OSBP2: variants seen among roughly 807,000 people sequenced by gnomAD.
The protein encoded by OSBP2 is oxysterol binding protein 2, also known as oxysterol-binding protein 2.
Under a neutral mutation model 96.0 loss-of-function variants are expected in OSBP2, and 66 were observed. The observed-to-expected ratio is 0.69, with a 90% confidence interval of 0.56 to 0.84. OSBP2 has a LOEUF of 0.84. OSBP2 is among the 40% of genes least tolerant of loss of function. OSBP2 has a pLI of 0.00. For synonymous variants in OSBP2, 525 were observed against 520.9 expected (o/e 1.01, Z -0.11); for missense variants, 1,038 against 1,222.7 (o/e 0.85, Z 2.25).
intron 2 of OSBP2, among the ~76,000 whole-genome samples, chr22:30,845,451 AAATT>A (rs1333015671): frequency 6.6e-6 from 1 of 152,070 alleles, no homozygotes; most frequent in East Asian, 1.9e-4. Context: ...ATAAATAAAT[AAATT>A]GTTATATTGT....
intron 3 of OSBP2, among the ~76,000 whole-genome samples, chr22:30,872,928 G>A (rs761057395): frequency 5.9e-4 from 90 of 152,338 alleles, no homozygotes; most frequent in Non-Finnish European, 1.1e-3. Context: ...CCTGAAGGTC[G>A]TGGGATACAG....
chr22:30,741,442 C>A (rs1267921953), intron 2 of OSBP2, 73 bp downstream of exon 2: 1 of 1,300,202 alleles, frequency 7.7e-7, no homozygotes, highest in Non-Finnish European at 1.1e-6. Flanking sequence ...AATTGCAAGC[C>A]ACTGGTGGGC....
chr22:30,728,017 A>G (rs1356604580), intron 1 of OSBP2, among the ~76,000 whole-genome samples: 1 of 151,874 alleles, frequency 6.6e-6, no homozygotes, highest in East Asian at 1.9e-4. Context: ...AGGCAGGAAA[A>G]TTGCTTGAAC....
intron 1 of OSBP2, among the ~76,000 whole-genome samples, chr22:30,728,061 AC>A (rs1200684380): frequency 6.6e-6 from 1 of 151,046 alleles, no homozygotes; most frequent in African/African-American, 2.4e-5. Context: ...CCGAGATCAC[AC>A]CACTGCACTT....
chr22:30,730,765 T>TCTC (rs1555908759), intron 1 of OSBP2, among the ~76,000 whole-genome samples: 3 of 50,292 alleles, frequency 6.0e-5, no homozygotes, highest in African/African-American at 8.4e-5. Flanking sequence ...TCTCTCTCTC[T>TCTC]CTCTCTCTCT....
Position 30,870,639 on chromosome 22 carries a change from A to G in OSBP2, c.1064A>G (p.Glu355Gly). ...GGGGAGAAGCTGAAGGTGGTGAATG[A>G]GCGGGCCACCCTCTTCCGCATCACA... ...ESGEKLKVVN[E>G]RATLFRITSN... The change falls in exon 3 of 14, where the codon GAG (glutamate) becomes GGG (glycine). Residue 355 changes from glutamate to glycine, a missense_variant. By Grantham distance (98) the Glu-to-Gly change is moderately conservative. Around this residue, in one of 3 missense-constraint regions of OSBP2, gnomAD observed 737 missense variants for 913.3 expected, o/e 0.81. Coordinates refer to ENST00000332585, the MANE Select transcript of OSBP2 (RefSeq NM_030758.4). The surrounding 1 kb of genome is among the most constrained non-coding windows in gnomAD (Gnocchi z 4.1). The G allele has an allele frequency of 6.2e-7, 1 of 1,613,902 alleles. No homozygotes were observed. Among genetic ancestry groups the G allele is most frequent in the Non-Finnish European group, 8.5e-7 (1 of 1,180,004 alleles).
At chr22:30,816,464 G>A (rs886916466) in intron 2 of OSBP2, among the ~76,000 whole-genome samples, 7 of 152,132 alleles carry the variant, frequency 4.6e-5, no homozygotes, top group African/African-American at 1.2e-4. Context: ...TCAGACCCAC[G>A]TGGCGGGACT....
chr22:30,697,609 T>C (rs148334022), intron 1 of OSBP2, among the ~76,000 whole-genome samples: 2 of 152,336 alleles, frequency 1.3e-5, no homozygotes, highest in African/African-American at 4.8e-5. Context: ...GCAGATTCTC[T>C]GGGTAACTAA....
At position 30,741,157 on chromosome 22, in the gene OSBP2, A is replaced by T. The variant is rs755347318; in HGVS notation, c.645-4A>T. 1.2e-6 allele frequency: 2 copies of T among 1,612,744 alleles called. No homozygotes were observed. Among genetic ancestry groups the T allele is most frequent in the East Asian group, 2.2e-5 (1 of 44,870 alleles). On this transcript the variant is annotated splice_polypyrimidine_tract_variant and splice_region_variant and intron_variant, in intron 1 of 13. Coordinates refer to ENST00000332585, the MANE Select transcript of OSBP2 (RefSeq NM_030758.4). The stretch of plus-strand genomic sequence containing the variant: ...CACCCCATTCCTTCTCTTACATCCT[A>T]CAGAAATCAGGGTGAAATGGCCCAC...
intron 2 of OSBP2, among the ~76,000 whole-genome samples, chr22:30,758,386 G>A (rs963223989): frequency 2.0e-5 from 3 of 152,154 alleles, no homozygotes; most frequent in African/African-American, 4.8e-5. Context: ...GGGTGACAGA[G>A]CGAGACTCTG....
At chr22:30,882,203 G>C (rs967062403) in intron 3 of OSBP2, among the ~76,000 whole-genome samples, 13 of 152,204 alleles carry the variant, frequency 8.5e-5, no homozygotes, top group African/African-American at 3.1e-4. Context: ...CTAGGGCTGG[G>C]CTCTGTTGCT....
intron 2 of OSBP2, among the ~76,000 whole-genome samples, chr22:30,848,587 T>G (rs2038917202): frequency 6.6e-6 from 1 of 152,214 alleles, no homozygotes; most frequent in Non-Finnish European, 1.5e-5. Flanking sequence ...CTCTTTGCAG[T>G]CAATATCCCC....
At chr22:30,769,967 A>G (rs1210991022) in intron 2 of OSBP2, among the ~76,000 whole-genome samples, 1 of 152,086 alleles carries the variant, frequency 6.6e-6, no homozygotes, top group Non-Finnish European at 1.5e-5. Context: ...GGTTTCCCCC[A>G]TACTGTTCTC....
At chr22:30,893,304 T>C (rs2039994155) in intron 9 of OSBP2, 62 bp downstream of exon 9, 1 of 1,609,776 alleles carries the variant, frequency 6.2e-7, no homozygotes, top group Non-Finnish European at 8.5e-7. Flanking sequence ...GGGAGGATTC[T>C]GGTGATGCAA....
chr22:30,881,756 G>A lies in OSBP2; in HGVS notation c.1108-5670G>A, dbSNP rs1369171171. 7.7e-7 allele frequency: 1 copy of A among 1,304,084 alleles called. No individual in the cohort carries two copies. The highest frequency in any genetic ancestry group is 1.0e-6 in the Non-Finnish European group (1 of 988,956). The allele number at this position is 1,304,084 out of a possible 1,614,324, so 80.8% of individuals were successfully genotyped here. ...CACAGCCAGGATGGGGCCTGGAGAA[G>A]GCCGGCAGCAGCAGAGGAGACCCTG... On this transcript the variant is annotated intron_variant, in intron 3 of 13. Coordinates refer to ENST00000332585, the MANE Select transcript of OSBP2 (RefSeq NM_030758.4). The surrounding 1 kb of genome is among the most constrained non-coding windows in gnomAD (Gnocchi z 4.5).
chr22:30,889,440 G>T, intron 6 of OSBP2, 50 bp from the exon 7 acceptor site: 6 of 1,608,340 alleles, frequency 3.7e-6, no homozygotes, highest in Non-Finnish European at 5.1e-6. Flanking sequence ...GAAGCCAAGG[G>T]GGCGCTCTGG....
chr22:30,868,941 T>C (rs188775666), intron 2 of OSBP2, among the ~76,000 whole-genome samples: 239 of 152,380 alleles, frequency 1.6e-3, no homozygotes, highest in Middle Eastern at 3.4e-3. Flanking sequence ...ATTTTCTTCA[T>C]CTAAAAATAG....
At chr22:30,869,241 C>A (rs1305484637) in intron 2 of OSBP2, among the ~76,000 whole-genome samples, 2 of 152,338 alleles carry the variant, frequency 1.3e-5, no homozygotes, top group African/African-American at 4.8e-5. Context: ...GCACAGCCTG[C>A]CTCTCTCATG....
intron 3 of OSBP2, among the ~76,000 whole-genome samples, chr22:30,884,669 C>T (rs1011499752): frequency 1.3e-5 from 2 of 152,096 alleles, no homozygotes; most frequent in Non-Finnish European, 1.5e-5. Flanking sequence ...AGGCCAGCCA[C>T]GAGAGCTCGG....
Sources: allele counts gnomAD v4.1 joint callset (sites outside exome capture counted in the v4.1 genomes callset), GRCh38; gene constraint gnomAD v4.1.1; regional missense constraint gnomAD v4.1.1; non-coding constraint Gnocchi (gnomAD v3.1); transcripts MANE v1.5; gene names NCBI Gene and HGNC (gene_info 2026-07-23, HGNC 2026-07-21).